Variants in SF3B3 observed in about 807,000 individuals in gnomAD.
SF3B3 encodes the protein splicing factor 3b subunit 3.
SF3B3 carries 33 observed loss-of-function variants against 139.2 expected under a neutral mutation model. That is an observed-to-expected ratio of 0.24 (90% CI 0.18 to 0.32). The LOEUF (loss-of-function observed/expected upper bound fraction) is 0.32. Among genes scored for constraint, SF3B3 ranks in the 10% least tolerant of loss-of-function variants. The pLI is 1.00. For missense variants in SF3B3, 818 were observed against 1,509.4 expected (o/e 0.54, Z 7.59); for synonymous variants, 596 against 563.6 (o/e 1.06, Z -0.81).
intron 1 of SF3B3, 141 bp from the exon 2 acceptor site, chr16:70,526,446 G>A: frequency 2.0e-6 from 1 of 507,492 alleles, no homozygotes; most frequent in Non-Finnish European, 3.5e-6. Flanking sequence ...GACCTCGTGA[G>A]CCACCACGCC....
At chr16:70,539,035 C>A in intron 7 of SF3B3, 69 bp from the exon 8 acceptor site, 1 of 1,097,332 alleles carries the variant, frequency 9.1e-7, no homozygotes, top group Non-Finnish European at 1.4e-6. Flanking sequence ...GCTACTCAGC[C>A]TGTGCTGTCT....
intron 4 of SF3B3, among the ~76,000 whole-genome samples, chr16:70,531,141 C>T (rs1482976285): frequency 3.9e-5 from 6 of 151,942 alleles, no homozygotes; most frequent in Non-Finnish European, 2.9e-5. Flanking sequence ...TCGTGGCGGG[C>T]GCCTGTGGTC....
intron 10 of SF3B3, among the ~76,000 whole-genome samples, chr16:70,545,435 A>G (rs914055207): frequency 2.0e-5 from 3 of 152,162 alleles, no homozygotes; most frequent in Non-Finnish European, 4.4e-5. Context: ...TATTTAGTGA[A>G]TCTTTTATTG....
intron 18 of SF3B3, 113 bp downstream of exon 18, chr16:70,564,163 T>C (rs773724784): frequency 1.9e-6 from 2 of 1,070,690 alleles, no homozygotes; most frequent in Non-Finnish European, 2.7e-6. Context: ...TTGAGGCCAC[T>C]AGTTCGAGAC....
chr16:70,551,437 C>T (rs1242681991), intron 11 of SF3B3, among the ~76,000 whole-genome samples: 3 of 152,098 alleles, frequency 2.0e-5, no homozygotes, highest in East Asian at 1.9e-4. Context: ...TTGGGCTGGG[C>T]GCGGTGGCTC....
intron 15 of SF3B3, among the ~76,000 whole-genome samples, chr16:70,559,309 T>C (rs2050406565): frequency 6.6e-6 from 1 of 152,164 alleles, no homozygotes; most frequent in Non-Finnish European, 1.5e-5. Flanking sequence ...TTTTTCCCAT[T>C]GTTCACCTGT....
chr16:70,560,386 T>C (rs1240229072), intron 15 of SF3B3, 83 bp from the exon 16 acceptor site: 15 of 1,423,568 alleles, frequency 1.1e-5, no homozygotes, highest in Admixed American at 2.3e-5. Context: ...TAATTTCTTA[T>C]GTGAAGTACC....
chr16:70,539,178 C>T lies in SF3B3; in HGVS notation c.1038C>T (p.Phe346=). The T allele has an allele frequency of 6.2e-7, 1 of 1,613,828 alleles. No individual in the cohort carries two copies. ...CCATGTGTGTGCTTAAAACAGGGTT[C>T]CTTTTTGTAGCATCAGAATTTGGAA... ...AAAMCVLKTG[F]LFVASEFGNH... is the part of the protein sequence containing the mutation. The change falls in exon 8 of 26, where the codon TTC becomes TTT. Residue 346 remains phenylalanine, a synonymous_variant. Transcript: ENST00000302516.
At chr16:70,550,590 C>T (rs2050314986) in intron 11 of SF3B3, 1 of 895,180 alleles carries the variant, frequency 1.1e-6, no homozygotes, top group African/African-American at 1.8e-5. Context: ...CAAATACTAA[C>T]CTTGGCTGGT....
chr16:70,526,563 TTTTTCTG>T lies in SF3B3; in HGVS notation c.-70-10_-70-4del. On this transcript the variant is annotated splice_polypyrimidine_tract_variant and intron_variant, in intron 1 of 25. Coordinates refer to ENST00000302516, the MANE Select transcript of SF3B3 (RefSeq NM_012426.5). The stretch of plus-strand genomic sequence containing the variant: ...TGTTGAAGTAATAGTCTCCCAGCTA[TTTTTCTG>T]TTTTCTGTTTTCTTAGCTTTCTTGG... 2.4e-6 allele frequency: 2 copies of T among 820,260 alleles called. No individual in the cohort carries two copies. The highest frequency in any genetic ancestry group is 2.5e-5 in the East Asian group (1 of 39,694). The allele number at this position is 820,260 out of a possible 1,614,324, so 50.8% of individuals were successfully genotyped here. A position where few individuals can be genotyped will look rare whatever the true frequency, so the allele number is the denominator to read the frequency against.
intron 7 of SF3B3, 79 bp from the exon 8 acceptor site, chr16:70,539,025 G>A (rs1413008995): frequency 5.9e-6 from 6 of 1,010,462 alleles, no homozygotes; most frequent in African/African-American, 4.8e-5. Flanking sequence ...TATTTTATTT[G>A]CTACTCAGCC....
chr16:70,543,645 T>C lies in SF3B3; in HGVS notation c.1234-793T>C, dbSNP rs560229019. Among the ~76,000 whole-genome samples the C allele has an allele frequency of 2.0e-4, 30 of 152,048 alleles. 1 individual carries two copies. The highest frequency in any genetic ancestry group is 8.3e-4 in the South Asian group (4 of 4,800). The stretch of plus-strand genomic sequence containing the variant: ...ATCGCTTGAACCCAGGAGATGGAGG[T>C]TGCAGTGAGCTTACACAGTGCCACT... On this transcript the variant is annotated intron_variant, in intron 9 of 25. Transcript: ENST00000302516.
chr16:70,539,066 A>T, intron 7 of SF3B3, 38 bp from the exon 8 acceptor site: 2 of 1,430,242 alleles, frequency 1.4e-6, no homozygotes, highest in East Asian at 4.6e-5. Context: ...GGCTCACTTC[A>T]CTTTGTTTGT....
chr16:70,547,791 G>C (rs1373410230), intron 10 of SF3B3, among the ~76,000 whole-genome samples: 22 of 152,252 alleles, frequency 1.4e-4, no homozygotes, highest in African/African-American at 2.4e-5. Context: ...GGGTTTCACC[G>C]TGTTGGCCAG....
At chr16:70,569,569 G>A (rs552985003) in intron 23 of SF3B3, among the ~76,000 whole-genome samples, 1 of 152,270 alleles carries the variant, frequency 6.6e-6, no homozygotes, top group South Asian at 2.1e-4. Flanking sequence ...TGTTTTATGA[G>A]GCATTAAGCT....
At chr16:70,548,240 G>A (rs1000337217) in intron 10 of SF3B3, 130 bp from the exon 11 acceptor site, 27 of 712,978 alleles carry the variant, frequency 3.8e-5, no homozygotes, top group Non-Finnish European at 6.7e-5. Context: ...CTTTCACTAG[G>A]TGGTTTCATC....
rs1344355622 is a variant in SF3B3, at chr16:70,555,211, G to A, written c.1710+5G>A. 13 of 1,613,212 alleles carry A rather than the reference G, an allele frequency of 8.1e-6. No homozygotes were observed. Among genetic ancestry groups the A allele is most frequent in the Non-Finnish European group, 1.1e-5 (13 of 1,179,242 alleles). ...GTCTATTTCGAGATGGATCCTGTAT[G>A]TTATTTTATCATTCACTGTGGGACT... is the stretch of plus-strand genomic sequence containing the variant. On this transcript the variant is annotated splice_donor_5th_base_variant and intron_variant, in intron 13 of 25. Coordinates refer to ENST00000302516, the MANE Select transcript of SF3B3 (RefSeq NM_012426.5).
intron 11 of SF3B3, 186 bp from the exon 12 acceptor site, chr16:70,554,260 T>A (rs2050358799): frequency 1.8e-6 from 1 of 545,882 alleles, no homozygotes; most frequent in South Asian, 2.3e-5. Flanking sequence ...ATCTGTAGGC[T>A]CTTCTGACCC....
chr16:70,571,058 C>A (rs1386607272), intron 24 of SF3B3, 37 bp from the exon 25 acceptor site: 1 of 1,445,050 alleles, frequency 6.9e-7, no homozygotes, highest in Admixed American at 1.7e-5. Context: ...TAGTTGAAAT[C>A]ACTTCTCAGT....
Sources: allele counts gnomAD v4.1 joint callset (sites outside exome capture counted in the v4.1 genomes callset), GRCh38; gene constraint gnomAD v4.1.1; transcripts MANE v1.5; gene names NCBI Gene and HGNC (gene_info 2026-07-23, HGNC 2026-07-21).